LOXL2: variants seen among roughly 807,000 people sequenced by gnomAD.
The protein encoded by LOXL2 is lysyl oxidase homolog 2.
Under a neutral mutation model 93.0 loss-of-function variants are expected in LOXL2, and 70 were observed. The observed-to-expected ratio is 0.75, with a 90% CI of 0.62 to 0.92. The LOEUF (loss-of-function observed/expected upper bound fraction) is 0.92. LOXL2 is among the 40% of genes least tolerant of loss of function. LOXL2 has a pLI of 0.00. For missense variants in LOXL2, 973 were observed against 1,054.9 expected, an observed-to-expected ratio of 0.92 and a Z score of 1.08; for synonymous variants, 438 against 413.2, an observed-to-expected ratio of 1.06 and a Z score of -0.73.
chr8:23,349,019 C>T (rs1305083987), intron 3 of LOXL2, among the ~76,000 whole-genome samples: 2 of 151,692 alleles, frequency 1.3e-5, no homozygotes, highest in African/African-American at 2.4e-5. Flanking sequence ...CTCTTTTCAT[C>T]GAGTCATTGA....
rs578046913 is a variant in LOXL2, at chr8:23,376,180, G to A, written c.-83-7746C>T. Reference sequence around the variant, plus strand: ...TTGAATTTTGTCAAAGGCCTTTTCTGCTTCTATTGAGATAATCATGTGGTT... The same window carrying A: ...TTGAATTTTGTCAAAGGCCTTTTCTACTTCTATTGAGATAATCATGTGGTT... On this transcript the variant is annotated intron_variant, in intron 1 of 13. Transcript: ENST00000389131. 3.9e-5 allele frequency among the ~76,000 whole-genome samples: 6 copies of A among 152,262 alleles called. No individual in the cohort carries two copies. The East Asian group carries it at 1.2e-3, about 29-fold the overall frequency.
chr8:23,397,840 A>G (rs2117241952), intron 1 of LOXL2, among the ~76,000 whole-genome samples: 1 of 150,428 alleles, frequency 6.6e-6, no homozygotes, highest in Non-Finnish European at 1.5e-5. Flanking sequence ...GCATGCCTGT[A>G]ATCCCAGCTA....
chr8:23,368,972 C>T (rs28507330), intron 1 of LOXL2, among the ~76,000 whole-genome samples: 3,621 of 152,194 alleles, frequency 0.024, 149 homozygotes, highest in African/African-American at 0.083. Context: ...CATTCTGGTG[C>T]CTCCTATTAG....
At chr8:23,383,677 T>TTC (rs1458616210) in intron 1 of LOXL2, among the ~76,000 whole-genome samples, 2 of 123,946 alleles carry the variant, frequency 1.6e-5, no homozygotes, top group East Asian at 4.6e-4. Flanking sequence ...TTTTTTTTTT[T>TTC]TGAGACAGAG....
rs1365223073 is a variant in LOXL2 at position 23,298,892 on chromosome 8, A to G, written c.2189T>C (p.Met730Thr). Residue 730 changes from methionine to threonine, a missense_variant, in exon 13 of 14, where the codon ATG (methionine) becomes ACG (threonine). Transcript: ENST00000389131. ...VAESDYSNNI[M>T]KCRSRYDGHR... ...GCCGTCATAGCGGCTCCTGCATTTC[A>G]TGATGTTGTTGGAGTAATCGGATTC... 1 of 1,614,008 alleles carries G rather than the reference A, an allele frequency of 6.2e-7. No homozygotes were observed. The highest frequency in any genetic ancestry group is 1.1e-5 in the South Asian group (1 of 91,074).
chr8:23,368,518 G>A (rs557878675), intron 1 of LOXL2, 84 bp from the exon 2 acceptor site: 118 of 623,096 alleles, frequency 1.9e-4, no homozygotes, highest in Non-Finnish European at 2.9e-4. Context: ...ATACCCCTTG[G>A]CTTAATATGG....
chr8:23,327,647 C>T (rs772376033), intron 6 of LOXL2, among the ~76,000 whole-genome samples: 1 of 152,190 alleles, frequency 6.6e-6, no homozygotes, highest in Non-Finnish European at 1.5e-5. Context: ...CTAGACCGCA[C>T]AGTCTGTTCG....
At chr8:23,327,113 C>T (rs144295698) in intron 6 of LOXL2, among the ~76,000 whole-genome samples, 79 of 152,306 alleles carry the variant, frequency 5.2e-4, no homozygotes, top group African/African-American at 1.7e-3. Flanking sequence ...AGGACTCTCT[C>T]GAGGCCACTG....
intron 9 of LOXL2, among the ~76,000 whole-genome samples, chr8:23,314,837 AAAT>A (rs572561190): frequency 0.053 from 7,816 of 147,260 alleles, 447 homozygotes; most frequent in African/African-American, 0.15. Flanking sequence ...AAAAAGAAAA[AAAT>A]AAAAATAAAA....
Position 23,333,553 on chromosome 8 carries a change from T to C in LOXL2, c.814A>G (p.Ile272Val). 1 of 1,613,908 alleles carries C rather than the reference T, an allele frequency of 6.2e-7. No homozygotes were observed. The highest frequency in any genetic ancestry group is 8.5e-7 in the Non-Finnish European group (1 of 1,180,036). Residue 272 changes from isoleucine (I) to valine (V), a missense_variant, in exon 5 of 14, where the codon ATC becomes GTC. Ile to Val is a conservative substitution (Grantham distance 29). Coordinates refer to ENST00000389131, the MANE Select transcript of LOXL2 (RefSeq NM_002318.3). Reference sequence around the variant, plus strand: ...TGGGGGCCCAGCTTGCAGCTGGAGATGTGGGCCTCTGTGCCGGTGCAGTCC... The same window carrying C: ...TGGGGGCCCAGCTTGCAGCTGGAGACGTGGGCCTCTGTGCCGGTGCAGTCC... ...SMDCTGTEAHISSCKLGPQVS... is the reference protein window; with the variant it reads ...SMDCTGTEAHVSSCKLGPQVS...
At chr8:23,393,590 A>G (rs917611286) in intron 1 of LOXL2, among the ~76,000 whole-genome samples, 3 of 152,254 alleles carry the variant, frequency 2.0e-5, no homozygotes, top group African/African-American at 7.2e-5. Context: ...TAAAACTGTA[A>G]AACCCTTAGA....
chr8:23,310,966 C>T (rs1421630967), intron 9 of LOXL2, among the ~76,000 whole-genome samples: 1 of 152,214 alleles, frequency 6.6e-6, no homozygotes, highest in African/African-American at 2.4e-5. Flanking sequence ...ACTTCTAGTA[C>T]ACAGAAAAAT....
chr8:23,336,985 A>T (rs1803803301), intron 4 of LOXL2: 1 of 152,222 alleles, frequency 6.6e-6, no homozygotes, highest in Non-Finnish European at 1.5e-5. Context: ...AAACTGGCTC[A>T]AGTACGGGAA....
chr8:23,380,176 C>T (rs537464531), intron 1 of LOXL2, among the ~76,000 whole-genome samples: 19 of 152,110 alleles, frequency 1.2e-4, no homozygotes, highest in Non-Finnish European at 2.5e-4. Context: ...AGGCGGATCA[C>T]GAGGTCAAGA....
intron 7 of LOXL2, 52 bp downstream of exon 7, chr8:23,322,078 A>G (rs1215794115): frequency 1.3e-6 from 2 of 1,593,780 alleles, no homozygotes; most frequent in Non-Finnish European, 1.7e-6. Flanking sequence ...CTCTGTGGCT[A>G]TACTTTCTGC....
intron 12 of LOXL2, among the ~76,000 whole-genome samples, chr8:23,299,569 GA>G (rs1489177456): frequency 5.3e-5 from 8 of 152,194 alleles, no homozygotes; most frequent in Non-Finnish European, 1.0e-4. Flanking sequence ...GAATAGGAAG[GA>G]CATATTCTGG....
chr8:23,319,067 G>T (rs925697492), intron 8 of LOXL2, among the ~76,000 whole-genome samples: 8 of 152,206 alleles, frequency 5.3e-5, no homozygotes, highest in African/African-American at 1.9e-4. Flanking sequence ...ACAAGAGCAG[G>T]GTCTCCAAGC....
intron 5 of LOXL2, among the ~76,000 whole-genome samples, chr8:23,332,190 A>T (rs28591363): frequency 2.1e-5 from 3 of 142,042 alleles, no homozygotes; most frequent in Non-Finnish European, 4.5e-5. Context: ...ACACACACAC[A>T]CACCCCACAC....
intron 9 of LOXL2, among the ~76,000 whole-genome samples, chr8:23,311,918 AAGG>A (rs1313697244): frequency 6.6e-6 from 1 of 152,202 alleles, no homozygotes; most frequent in East Asian, 1.9e-4. Flanking sequence ...TTTTTCTCTG[AAGG>A]AGGAGTGGGG....
Sources: gnomAD v4.1 joint callset for allele counts (sites outside exome capture counted in the v4.1 genomes callset) on GRCh38, gnomAD v4.1.1 for gene constraint, MANE v1.5 for transcripts, NCBI Gene and HGNC (gene_info 2026-07-23, HGNC 2026-07-21) for gene names.